Variants in PPP2CA observed in about 807,000 individuals in gnomAD.
PPP2CA encodes the protein protein phosphatase 2 catalytic subunit alpha.
A neutral mutation model predicts 38.8 loss-of-function variants in PPP2CA; 5 were observed. The observed-to-expected ratio is 0.13, with a 90% CI of 0.07 to 0.27. PPP2CA has a LOEUF of 0.27. Among genes scored for constraint, PPP2CA ranks in the 10% least tolerant of loss-of-function variants. PPP2CA has a pLI of 1.00. For synonymous variants in PPP2CA, 152 were observed against 134.0 expected, an observed-to-expected ratio of 1.13 and a Z score of -0.93; for missense variants, 88 against 389.7, an observed-to-expected ratio of 0.23 and a Z score of 6.52.
At chr5:134,215,146 C>T (rs1342287123) in intron 1 of PPP2CA, among the ~76,000 whole-genome samples, 2 of 148,212 alleles carry the variant, frequency 1.3e-5, no homozygotes, top group East Asian at 3.9e-4. Flanking sequence ...CCCCAGGCTT[C>T]GAGTGCTGTA....
rs530078118 is a variant in PPP2CA at position 134,211,727 on chromosome 5, T to A, written c.103-5596A>T. On this transcript the variant is annotated intron_variant, in intron 1 of 6. Coordinates refer to ENST00000481195, the MANE Select transcript of PPP2CA (RefSeq NM_002715.4). ...CCTGACCTCAGGTGATCCACCCGCC[T>A]TGGCCTCCCAAAGGCTGGGATTACA... Among the ~76,000 whole-genome samples, 224 of 151,750 alleles carry A rather than the reference T, an allele frequency of 1.5e-3. 2 individuals carry two copies. The highest frequency in any genetic ancestry group is 8.8e-3 in the South Asian group (42 of 4,772).
chr5:134,210,455 C>T (rs1762180262), intron 1 of PPP2CA, among the ~76,000 whole-genome samples: 1 of 152,186 alleles, frequency 6.6e-6, no homozygotes, highest in African/African-American at 2.4e-5. Flanking sequence ...GCATACCAAA[C>T]CTTTTGCTTC....
Position 134,197,749 on chromosome 5 carries a change from T to C in PPP2CA, c.*23A>G. On this transcript the variant is annotated 3_prime_UTR_variant, in exon 7 of 7. Coordinates refer to ENST00000481195, the MANE Select transcript of PPP2CA (RefSeq NM_002715.4). ...TAGGTCGATATATGGTTCATGGCAA[T>C]ACTGTACAAGTTTAAAATTTCATTA... The C allele has an allele frequency of 2.5e-6, 4 of 1,586,288 alleles. No homozygotes were observed. The highest frequency in any genetic ancestry group is 3.5e-6 in the Non-Finnish European group (4 of 1,154,888).
chr5:134,213,207 G>A (rs1389860078), intron 1 of PPP2CA, among the ~76,000 whole-genome samples: 3 of 152,190 alleles, frequency 2.0e-5, no homozygotes, highest in African/African-American at 7.2e-5. Flanking sequence ...ACTCTTGTTA[G>A]AGGCTAATGT....
chr5:134,219,925 C>T (rs1197311220), intron 1 of PPP2CA, among the ~76,000 whole-genome samples: 2 of 146,896 alleles, frequency 1.4e-5, no homozygotes, highest in African/African-American at 2.5e-5. Context: ...GCAGGAGAAA[C>T]ACTTGAACGT....
intron 4 of PPP2CA, 135 bp from the exon 5 acceptor site, chr5:134,200,631 G>T: frequency 1.0e-6 from 1 of 976,654 alleles, no homozygotes; most frequent in Non-Finnish European, 1.5e-6. Flanking sequence ...AGACTGTGCA[G>T]TTGAAGTCAA....
intron 5 of PPP2CA, among the ~76,000 whole-genome samples, chr5:134,199,705 T>C (rs1359271469): frequency 6.6e-6 from 1 of 152,222 alleles, no homozygotes; most frequent in Admixed American, 6.5e-5. Flanking sequence ...AATATGCCTC[T>C]AGGATCTCCA....
chr5:134,211,722 C>G (rs1226858237), intron 1 of PPP2CA, among the ~76,000 whole-genome samples: 2 of 151,776 alleles, frequency 1.3e-5, no homozygotes, highest in Non-Finnish European at 2.9e-5. Context: ...GGTGATCCAC[C>G]CGCCTTGGCC....
In PPP2CA at chr5:134,195,075, T is replaced by C. The variant is rs1268178954; in HGVS notation, c.*2697A>G. 5.9e-5 allele frequency: 9 copies of C among 152,256 alleles called. 2 individuals are homozygous for C. The South Asian group carries it at 1.0e-3, about 18-fold the overall frequency. 9.4% of individuals were successfully genotyped at this position (152,256 alleles called of 1,614,324 possible). ...AGTCCTTCTTGAAACTAATCTAATATTGACAAACTTCTATTTAAGAAATAC... is the reference window on the plus strand; with the variant it reads ...AGTCCTTCTTGAAACTAATCTAATACTGACAAACTTCTATTTAAGAAATAC... On this transcript the variant is annotated 3_prime_UTR_variant, in exon 7 of 7. Transcript: ENST00000481195.
chr5:134,203,729 T>A (rs1304661738), intron 2 of PPP2CA, among the ~76,000 whole-genome samples: 2 of 152,070 alleles, frequency 1.3e-5, no homozygotes, highest in Non-Finnish European at 1.5e-5. Context: ...ATGAGTAAGT[T>A]TTTTTCCCCC....
At chr5:134,208,484 G>C (rs1368028859) in intron 1 of PPP2CA, among the ~76,000 whole-genome samples, 2 of 152,078 alleles carry the variant, frequency 1.3e-5, no homozygotes, top group African/African-American at 4.8e-5. Context: ...TTCCCTTTGA[G>C]CACCCTACAC....
At chr5:134,213,564 T>C (rs533646076) in intron 1 of PPP2CA, among the ~76,000 whole-genome samples, 6 of 151,900 alleles carry the variant, frequency 3.9e-5, no homozygotes, top group East Asian at 1.9e-4. Flanking sequence ...GGCAGGAGGA[T>C]TGCTTGAGCT....
At chr5:134,224,424 T>C in intron 1 of PPP2CA, 3 of 383,852 alleles carry the variant, frequency 7.8e-6, no homozygotes, top group South Asian at 5.7e-5. Context: ...GTTCACAACA[T>C]GGTTTCTAAA....
At chr5:134,202,103 A>C (rs1761979534) in intron 2 of PPP2CA, 82 bp from the exon 3 acceptor site, 1 of 1,383,994 alleles carries the variant, frequency 7.2e-7, no homozygotes, top group Non-Finnish European at 9.7e-7. Flanking sequence ...ATAGAAAAAA[A>C]TGCAGTTACA....
At chr5:134,204,192 T>C (rs1762028201) in intron 2 of PPP2CA, among the ~76,000 whole-genome samples, 1 of 152,270 alleles carries the variant, frequency 6.6e-6, no homozygotes, top group South Asian at 2.1e-4. Context: ...TAGGAAAGTC[T>C]GTGACAGCCA....
chr5:134,208,355 T>C (rs1762128082), intron 1 of PPP2CA, among the ~76,000 whole-genome samples: 1 of 152,220 alleles, frequency 6.6e-6, no homozygotes, highest in African/African-American at 2.4e-5. Context: ...TAAATGCTAT[T>C]TGTTGCTTTT....
intron 1 of PPP2CA, among the ~76,000 whole-genome samples, chr5:134,223,465 G>A (rs990438325): frequency 2.0e-5 from 3 of 152,202 alleles, no homozygotes; most frequent in African/African-American, 7.2e-5. Flanking sequence ...GTTATAAACA[G>A]TATGAAGGTT....
At chr5:134,197,912 A>C (rs1188381723) in intron 6 of PPP2CA, 68 bp from the exon 7 acceptor site, 2 of 1,346,448 alleles carry the variant, frequency 1.5e-6, no homozygotes, top group Non-Finnish European at 2.1e-6. Context: ...AAGATCAAGA[A>C]CATGAGTCTT....
intron 1 of PPP2CA, among the ~76,000 whole-genome samples, chr5:134,220,504 C>CTTCA (rs971985558): frequency 2.1e-5 from 3 of 143,210 alleles, no homozygotes. Flanking sequence ...AATCTTCCTC[C>CTTCA]TTCATGGTTC....
Sources: allele counts gnomAD v4.1 joint callset (sites outside exome capture counted in the v4.1 genomes callset), GRCh38; gene constraint gnomAD v4.1.1; transcripts MANE v1.5; gene names NCBI Gene and HGNC (gene_info 2026-07-23, HGNC 2026-07-21).